Variants in PDXDC1 observed in about 807,000 individuals in gnomAD.
PDXDC1 encodes pyridoxal dependent decarboxylase domain containing 1.
A neutral mutation model predicts 100.1 loss-of-function variants in PDXDC1; 42 were observed. The ratio of observed to expected loss-of-function variants is 0.42; its 90% CI spans 0.33 to 0.54. The LOEUF (loss-of-function observed/expected upper bound fraction) is 0.54. Among genes scored for constraint, PDXDC1 ranks in the 20% least tolerant of loss-of-function variants. The probability of loss-of-function intolerance (pLI) is 0.10; values close to 1 mark genes in which losing one functional copy is unlikely to be tolerated. For synonymous variants in PDXDC1, 260 were observed against 371.7 expected (o/e 0.70, Z 3.46); for missense variants, 636 against 979.2 (o/e 0.65, Z 4.68).
intron 16 of PDXDC1, chr16:15,063,075 T>C (rs1244082942): frequency 3.8e-6 from 3 of 783,922 alleles, no homozygotes; most frequent in Non-Finnish European, 6.8e-6. Flanking sequence ...AGCAATCCTC[T>C]GGCCTTGACC....
chr16:15,001,398 A>T (rs564486789), intron 3 of PDXDC1, among the ~76,000 whole-genome samples: 1 of 152,404 alleles, frequency 6.6e-6, no homozygotes, highest in East Asian at 1.9e-4. Flanking sequence ...CTGAGGCAGG[A>T]GGATCGCTTA....
At chr16:15,031,594 C>CT (rs1348322464) in intron 16 of PDXDC1, 141 bp from the exon 17 acceptor site, 5 of 646,210 alleles carry the variant, frequency 7.7e-6, no homozygotes, top group Non-Finnish European at 8.1e-6. Context: ...TGTTGAGGGC[C>CT]TTTTTTTGTT....
chr16:15,135,127 G>T lies in PDXDC1; in HGVS notation c.1400-3752G>T. On this transcript the variant is annotated intron_variant, in intron 16 of 16. Coordinates refer to the PDXDC1 transcript ENST00000535621. Reference sequence around the variant, plus strand: ...TGTGGCAGGTTTGGAAGGAAGCAAAGCTGAAGCAGGCTGTCGTGTTACGTA... The same window carrying T: ...TGTGGCAGGTTTGGAAGGAAGCAAATCTGAAGCAGGCTGTCGTGTTACGTA... The T allele has an allele frequency of 7.4e-6, 5 of 674,504 alleles. No individual in the cohort carries two copies. In the South Asian group the frequency reaches 8.5e-5, roughly 11 times the overall value. The allele number at this position is 674,504 out of a possible 1,614,324, so 41.8% of individuals were successfully genotyped here.
At chr16:15,020,975 AACACACAC>A (rs66850292) in intron 12 of PDXDC1, among the ~76,000 whole-genome samples, 91 of 145,932 alleles carry the variant, frequency 6.2e-4, no homozygotes, top group Non-Finnish European at 8.8e-4. Context: ...GCACCATCTA[AACACACAC>A]ACACACACAC....
Position 15,134,101 on chromosome 16 carries a change from G to A in PDXDC1, c.1400-4778G>A, listed in dbSNP as rs556149643. ...TGCAGGCAGAAGGGGTGGTGAGGGG[G>A]CGCAACCCTCTGCCCTGTCAGCCCC... is the stretch of plus-strand genomic sequence containing the variant. On this transcript the variant is annotated intron_variant, in intron 16 of 16. Transcript: ENST00000535621. 1.2e-3 allele frequency: 1,866 copies of A among 1,526,286 alleles called. 41 individuals carry two copies. In the East Asian group the frequency reaches 0.04, roughly 33 times the overall value. 94.5% of individuals were successfully genotyped at this position (1,526,286 alleles called of 1,614,324 possible). A position where few individuals can be genotyped will look rare whatever the true frequency, so the allele number is the denominator to read the frequency against.
chr16:15,127,934 G>A (rs757155233), intron 16 of PDXDC1: 74 of 1,424,984 alleles, frequency 5.2e-5, no homozygotes, highest in Non-Finnish European at 6.6e-5. Flanking sequence ...AGGAGGCCAC[G>A]GGGCAGGACC....
At chr16:15,094,263 C>G in intron 16 of PDXDC1, 5 of 1,513,644 alleles carry the variant, frequency 3.3e-6, no homozygotes, top group South Asian at 1.2e-5. Flanking sequence ...CGCTGCGCCT[C>G]AGGCCGGATG....
At chr16:15,131,190 G>A (rs777340671) in intron 16 of PDXDC1, 9 of 1,588,572 alleles carry the variant, frequency 5.7e-6, no homozygotes, top group Admixed American at 3.3e-5. Context: ...GGACCACAAC[G>A]GAGTTGGCAG....
At chr16:15,034,808 C>T (rs1392536754) in intron 21 of PDXDC1, among the ~76,000 whole-genome samples, 2 of 152,174 alleles carry the variant, frequency 1.3e-5, no homozygotes, top group Admixed American at 6.5e-5. Context: ...TGAGGACACG[C>T]CCACTCAGCC....
At chr16:15,044,234 GCC>G in intron 16 of PDXDC1, 2 of 752,382 alleles carry the variant, frequency 2.7e-6, no homozygotes, top group Admixed American at 4.0e-5. Flanking sequence ...AAGTGGGTGT[GCC>G]CTTCTTGGGT....
chr16:15,093,485 G>A (rs1224652565), intron 16 of PDXDC1, among the ~76,000 whole-genome samples: 1 of 152,174 alleles, frequency 6.6e-6, no homozygotes, highest in Non-Finnish European at 1.5e-5. Flanking sequence ...AAGCTCTGTA[G>A]AAAGCAGGGA....
chr16:15,026,896 T>C (rs1405073046), intron 14 of PDXDC1, among the ~76,000 whole-genome samples, 190 bp downstream of exon 14: 1 of 152,414 alleles, frequency 6.6e-6, no homozygotes, highest in Non-Finnish European at 1.5e-5. Flanking sequence ...TAGTTTGCGG[T>C]GATTAAACCA....
rs1555560044 is a variant in PDXDC1, at chr16:15,017,438, C to G, written c.963+16C>G. The G allele has an allele frequency of 5.0e-6, 8 of 1,611,608 alleles. No individual in the cohort carries two copies. The highest frequency in any genetic ancestry group is 6.8e-6 in the Non-Finnish European group (8 of 1,178,042). On this transcript the variant is annotated intron_variant, in intron 11 of 22. Transcript: ENST00000396410. ...CCCTGCCTTGGTAAGTTTCCACTCA[C>G]TGGGGAGGGAGTGGGTGTGGCTAAT...
chr16:14,977,269 CTTTTTTTTTTTTTT>C (rs5816116), intron 1 of PDXDC1, among the ~76,000 whole-genome samples: 12 of 95,060 alleles, frequency 1.3e-4, no homozygotes, highest in African/African-American at 2.8e-4. Flanking sequence ...ATGGGACTTA[CTTTTTTTTTTTTTT>C]TTTTTTTTTT....
At chr16:15,039,035 A>G (rs946703385), downstream of PDXDC1, among the ~76,000 whole-genome samples, 2 of 152,192 alleles carry the variant, frequency 1.3e-5, no homozygotes, top group Non-Finnish European at 1.5e-5. Context: ...GCTTCTGACT[A>G]AAGTCTGTGT....
At chr16:15,003,148 C>T (rs1279963244) in intron 4 of PDXDC1, among the ~76,000 whole-genome samples, 1 of 151,852 alleles carries the variant, frequency 6.6e-6, no homozygotes, top group Non-Finnish European at 1.5e-5. Flanking sequence ...AATACCTAGT[C>T]CCCCATGAAT....
At chr16:15,144,702 C>T in the PDXDC1 span, among the ~76,000 whole-genome samples, 15 of 151,826 alleles carry the variant, frequency 9.9e-5, no homozygotes, top group African/African-American at 3.4e-4. Flanking sequence ...CAGGTCCTCC[C>T]GGGACCCACA....
chr16:15,038,713 A>G (rs769442649), downstream of PDXDC1: 1 of 1,288,124 alleles, frequency 7.8e-7, no homozygotes, highest in Non-Finnish European at 1.1e-6. Context: ...TCAAGGATAG[A>G]ATTTCAGGAA....
chr16:14,996,584 T>C (rs1264485113), intron 1 of PDXDC1, among the ~76,000 whole-genome samples: 2 of 152,288 alleles, frequency 1.3e-5, no homozygotes, highest in Non-Finnish European at 2.9e-5. Context: ...GTTTTAATTC[T>C]GCAAAAAGTT....
Sources: gnomAD v4.1 joint callset for allele counts (sites outside exome capture counted in the v4.1 genomes callset) on GRCh38, gnomAD v4.1.1 for gene constraint, MANE v1.5 for transcripts, NCBI Gene and HGNC (gene_info 2026-07-23, HGNC 2026-07-21) for gene names.